Variants in ROBO1 observed in about 807,000 individuals in gnomAD.
The protein encoded by ROBO1 is roundabout homolog 1.
A neutral mutation model predicts 195.9 loss-of-function variants in ROBO1; 149 were observed. The ratio of observed to expected loss-of-function variants is 0.76; its 90% CI spans 0.67 to 0.87. ROBO1 has a LOEUF of 0.87. ROBO1 is among the 40% of genes least tolerant of loss of function. The pLI, the probability that ROBO1 is intolerant of heterozygous loss-of-function variation, is 0.00. For synonymous variants in ROBO1, 816 were observed against 733.2 expected (o/e 1.11, Z -1.82); for missense variants, 1,933 against 2,068.3 (o/e 0.93, Z 1.27).
chr3:79,490,851 G>A (rs993784405), intron 2 of ROBO1, among the ~76,000 whole-genome samples: 4 of 152,046 alleles, frequency 2.6e-5, no homozygotes, highest in Non-Finnish European at 5.9e-5. Context: ...ACCTTCTTTA[G>A]GGAGGGTGAC....
intron 1 of ROBO1, among the ~76,000 whole-genome samples, chr3:79,727,683 T>G (rs929276845): frequency 1.3e-5 from 2 of 152,310 alleles, no homozygotes; most frequent in African/African-American, 4.8e-5. Context: ...TAGCAATCTA[T>G]GGAAACATTT....
chr3:78,732,635 T>C (rs1474067454), intron 5 of ROBO1, among the ~76,000 whole-genome samples: 1 of 152,114 alleles, frequency 6.6e-6, no homozygotes, highest in African/African-American at 2.4e-5. Context: ...ACATGATGCA[T>C]GGAACAATAC....
chr3:79,032,850 C>T (rs2078320443), intron 3 of ROBO1, among the ~76,000 whole-genome samples: 1 of 151,960 alleles, frequency 6.6e-6, no homozygotes, highest in South Asian at 2.1e-4. Flanking sequence ...AAAATCCCTC[C>T]CCTATGAAAT....
At chr3:79,512,254 G>A (rs1463482649) in intron 2 of ROBO1, among the ~76,000 whole-genome samples, 1 of 150,628 alleles carries the variant, frequency 6.6e-6, no homozygotes, top group Non-Finnish European at 1.5e-5. Context: ...GCTAGCATGA[G>A]CTGAATTCCC....
At chr3:79,458,303 A>C (rs1052604572) in intron 2 of ROBO1, among the ~76,000 whole-genome samples, 1 of 152,152 alleles carries the variant, frequency 6.6e-6, no homozygotes, top group Non-Finnish European at 1.5e-5. Context: ...TGGGTGTGGC[A>C]GTAAGGCAGG....
chr3:78,738,378 G>A (rs1050806769), intron 5 of ROBO1, among the ~76,000 whole-genome samples: 5 of 152,090 alleles, frequency 3.3e-5, no homozygotes, highest in Admixed American at 6.6e-5. Flanking sequence ...AATGGGAAGC[G>A]TTAAATAGTT....
chr3:78,664,562 CA>C (rs1707624888), intron 14 of ROBO1, among the ~76,000 whole-genome samples: 1 of 152,110 alleles, frequency 6.6e-6, no homozygotes, highest in South Asian at 2.1e-4. Context: ...CTTTGATTAC[CA>C]CATAACAAGG....
chr3:79,742,072 A>T (rs1363337562), intron 1 of ROBO1, among the ~76,000 whole-genome samples: 1 of 152,230 alleles, frequency 6.6e-6, no homozygotes, highest in South Asian at 2.1e-4. Flanking sequence ...TATATTTAAA[A>T]GGGAAGCAGA....
At chr3:78,701,889 CTTAT>C (rs1295408715) in intron 8 of ROBO1, among the ~76,000 whole-genome samples, 1 of 152,030 alleles carries the variant, frequency 6.6e-6, no homozygotes, top group African/African-American at 2.4e-5. Context: ...TTGTCTTATA[CTTAT>C]TTTAGTATTT....
intron 2 of ROBO1, among the ~76,000 whole-genome samples, chr3:79,479,170 T>C (rs563443284): frequency 6.6e-6 from 1 of 152,288 alleles, no homozygotes; most frequent in African/African-American, 2.4e-5. Flanking sequence ...CTGTAAATAA[T>C]CTATGATCTA....
chr3:79,673,282 GA>G (rs1238124287), intron 1 of ROBO1, among the ~76,000 whole-genome samples: 1 of 151,902 alleles, frequency 6.6e-6, no homozygotes, highest in African/African-American at 2.4e-5. Context: ...AATTCATCAA[GA>G]ATTCTCTTGA....
chr3:78,675,497 G>T (rs556083389), intron 10 of ROBO1, among the ~76,000 whole-genome samples: 289 of 152,270 alleles, frequency 1.9e-3, no homozygotes, highest in Non-Finnish European at 3.3e-3. Flanking sequence ...CTTAAAAAAC[G>T]GCGCACCAGG....
chr3:78,895,099 T>C (rs2037153077), intron 4 of ROBO1, among the ~76,000 whole-genome samples: 2 of 152,184 alleles, frequency 1.3e-5, no homozygotes, highest in Admixed American at 1.3e-4. Flanking sequence ...AGTTGAGAGT[T>C]TGGAAACTGC....
At chr3:79,230,361 C>A (rs905379265) in intron 2 of ROBO1, among the ~76,000 whole-genome samples, 7 of 152,060 alleles carry the variant, frequency 4.6e-5, no homozygotes, top group African/African-American at 1.7e-4. Flanking sequence ...AATTTCTGGT[C>A]TCACCTTTTG....
chr3:78,801,141 G>A (rs1052329877), intron 4 of ROBO1, among the ~76,000 whole-genome samples: 1 of 152,030 alleles, frequency 6.6e-6, no homozygotes, highest in African/African-American at 2.4e-5. Flanking sequence ...ATAAAATATA[G>A]ATCCAGAACA....
intron 2 of ROBO1, among the ~76,000 whole-genome samples, chr3:79,364,236 G>GTATATA (rs752125262): frequency 6.8e-6 from 1 of 146,822 alleles, no homozygotes; most frequent in Non-Finnish European, 1.5e-5. Context: ...ATGTGTGTGT[G>GTATATA]TATATATATA....
At chr3:78,656,488 C>G (rs891793080) in intron 18 of ROBO1, among the ~76,000 whole-genome samples, 1 of 151,572 alleles carries the variant, frequency 6.6e-6, no homozygotes, top group Admixed American at 6.6e-5. Context: ...GTAGCTGGGA[C>G]TACAGGCGCC....
chr3:79,626,979 A>G (rs775419544), intron 1 of ROBO1, among the ~76,000 whole-genome samples: 33 of 152,080 alleles, frequency 2.2e-4, no homozygotes, highest in Admixed American at 1.1e-3. Context: ...ATAACTACAA[A>G]CCACTCCTCA....
chr3:79,413,054 A>G (rs2037846890), intron 2 of ROBO1, among the ~76,000 whole-genome samples: 1 of 151,568 alleles, frequency 6.6e-6, no homozygotes, highest in African/African-American at 2.4e-5. Flanking sequence ...TTAATAAAAT[A>G]TTGTTATGCT....
Sources: allele counts gnomAD v4.1 joint callset (sites outside exome capture counted in the v4.1 genomes callset), GRCh38; gene constraint gnomAD v4.1.1; transcripts MANE v1.5; gene names NCBI Gene and HGNC (gene_info 2026-07-23, HGNC 2026-07-21).